COL12A1: variants seen among roughly 807,000 people sequenced by gnomAD.
The protein encoded by COL12A1 is collagen alpha-1(XII) chain.
COL12A1 carries 114 observed loss-of-function variants against 349.7 expected under a neutral mutation model. The observed-to-expected ratio is 0.33, with a 90% CI of 0.28 to 0.38. The LOEUF (loss-of-function observed/expected upper bound fraction) is 0.38. COL12A1 is among the 10% of genes least tolerant of loss of function. COL12A1 has a pLI of 1.00. For missense variants in COL12A1, 3,284 were observed against 3,756.9 expected (o/e 0.87, Z 3.29); for synonymous variants, 1,369 against 1,329.0 (o/e 1.03, Z -0.66).
intron 2 of COL12A1, among the ~76,000 whole-genome samples, chr6:75,201,532 T>C (rs1039727263): frequency 2.6e-5 from 4 of 151,802 alleles, no homozygotes; most frequent in Non-Finnish European, 2.9e-5. Context: ...TCTCACAGCC[T>C]CTAAAAAAGC....
chr6:75,204,301 G>A (rs1770667663), intron 1 of COL12A1, among the ~76,000 whole-genome samples: 1 of 152,028 alleles, frequency 6.6e-6, no homozygotes, highest in Non-Finnish European at 1.5e-5. Flanking sequence ...TCGTGCTCGC[G>A]AGAAGTTAAA....
chr6:75,088,171 A>G (rs982075992), intron 64 of COL12A1, among the ~76,000 whole-genome samples: 1 of 152,264 alleles, frequency 6.6e-6, no homozygotes, highest in Non-Finnish European at 1.5e-5. Flanking sequence ...CAATAGTTAT[A>G]GTTAACATAA....
intron 30 of COL12A1, among the ~76,000 whole-genome samples, chr6:75,137,918 T>TTC (rs138347813): frequency 1.3e-5 from 2 of 151,670 alleles, no homozygotes; most frequent in East Asian, 3.9e-4. Flanking sequence ...AGAGAGTTTA[T>TTC]TCTCTCTCTC....
Position 75,152,356 on chromosome 6 carries a change from A to G in COL12A1, c.3692T>C (p.Ile1231Thr). Residue 1231 changes from isoleucine to threonine, a missense_variant, in exon 18 of 66, where the codon ATT becomes ACT. Physicochemically the swap from Ile to Thr is moderately conservative, Grantham distance 89. Around this residue, in one of 2 missense-constraint regions of COL12A1, gnomAD observed 2,601 missense variants for 2,824.8 expected, o/e 0.92. Coordinates refer to ENST00000322507, the MANE Select transcript of COL12A1 (RefSeq NM_004370.6). ...ACCAATTTGTACTCTTTTGGGGCCA[A>G]TGTCAAAGACTTCCACAATACGAGA... ...FISRIVEVFD[I>T]GPKRVQIALA... is the part of the protein sequence containing the mutation. 6.2e-7 allele frequency: 1 copy of G among 1,613,630 alleles called. No individual in the cohort carries two copies. The highest frequency in any genetic ancestry group is 8.5e-7 in the Non-Finnish European group (1 of 1,179,708).
In COL12A1 at chr6:75,125,370, C is replaced by T. The variant is rs181001054; in HGVS notation, c.6461-97G>A. 33 of 1,170,172 alleles carry T rather than the reference C, an allele frequency of 2.8e-5. No homozygotes were observed. The Admixed American group carries it at 7.7e-4, about 27-fold the overall frequency. 72.5% of individuals were successfully genotyped at this position (1,170,172 alleles called of 1,614,324 possible). A position where few individuals can be genotyped will look rare whatever the true frequency, so the allele number is the denominator to read the frequency against. On this transcript the variant is annotated intron_variant, in intron 39 of 65. Coordinates refer to ENST00000322507, the MANE Select transcript of COL12A1 (RefSeq NM_004370.6). ...TCTTATAGTCAAAGGGTATTATGAACACGATTAATTCCATAGTCCTCATAC... is the reference window on the plus strand; with the variant it reads ...TCTTATAGTCAAAGGGTATTATGAATACGATTAATTCCATAGTCCTCATAC...
intron 13 of COL12A1, among the ~76,000 whole-genome samples, chr6:75,170,001 A>C (rs749482107): frequency 1.3e-5 from 2 of 152,200 alleles, no homozygotes; most frequent in Non-Finnish European, 2.9e-5. Context: ...AGACAGGTCT[A>C]CTTCTCATGA....
chr6:75,091,445 T>C (rs1767761165), intron 61 of COL12A1, 45 bp downstream of exon 61: 1 of 1,612,232 alleles, frequency 6.2e-7, no homozygotes, highest in African/African-American at 1.3e-5. Flanking sequence ...TAGGCTTCAA[T>C]GTTTAACACA....
intron 13 of COL12A1, among the ~76,000 whole-genome samples, chr6:75,169,454 G>A (rs1299156566): frequency 6.6e-6 from 1 of 152,182 alleles, no homozygotes; most frequent in Non-Finnish European, 1.5e-5. Context: ...AGCAACCCTA[G>A]TAGACTTTTT....
rs554333139 is a variant in COL12A1, at chr6:75,163,909, G to A, written c.2983+1598C>T. On this transcript the variant is annotated intron_variant, in intron 14 of 65. Transcript: ENST00000322507. ...GACAAAACGGAGGATAATTTCTGGA[G>A]GAAAAAAATCCCTCTAAATACATAT... Among the ~76,000 whole-genome samples the A allele has an allele frequency of 2.0e-5, 3 of 152,200 alleles. No individual in the cohort carries two copies. In the South Asian group the frequency reaches 6.2e-4, roughly 32 times the overall value.
chr6:75,195,123 T>C (rs1230425442), intron 2 of COL12A1, among the ~76,000 whole-genome samples, 176 bp from the exon 3 acceptor site: 1 of 152,140 alleles, frequency 6.6e-6, no homozygotes, highest in East Asian at 1.9e-4. Context: ...TGACAAAACA[T>C]CAGAGAGTGT....
chr6:75,138,196 T>C, intron 30 of COL12A1, 124 bp downstream of exon 30: 3 of 1,042,492 alleles, frequency 2.9e-6, no homozygotes, highest in Non-Finnish European at 4.2e-6. Context: ...GTAAAAGAGT[T>C]CTCAATGAAC....
Position 75,184,038 on chromosome 6 carries a change from G to A in COL12A1, c.1104C>T (p.Leu368=), listed in dbSNP as rs771012843. ...GTCGGCTTCCTGCAGTCATTGGTGT[G>A]AGGATGACTTTGTAGCCAGTCACTG... is the stretch of plus-strand genomic sequence containing the variant. ...PSPVTGYKVI[L]TPMTAGSRQH... is the part of the protein sequence containing the mutation. The change falls in exon 9 of 66, where the codon CTC becomes CTT. Residue 368 remains leucine, a synonymous_variant. Coordinates refer to ENST00000322507, the MANE Select transcript of COL12A1 (RefSeq NM_004370.6). 1.2e-6 allele frequency: 2 copies of A among 1,614,162 alleles called. No individual in the cohort carries two copies. The highest frequency in any genetic ancestry group is 1.7e-6 in the Non-Finnish European group (2 of 1,180,016).
chr6:75,184,256 T>C, intron 8 of COL12A1, 112 bp from the exon 9 acceptor site: 1 of 1,174,520 alleles, frequency 8.5e-7, no homozygotes, highest in Non-Finnish European at 1.2e-6. Context: ...CTAAATACAT[T>C]GAAAAGAGTT....
chr6:75,193,032 G>A (rs562835264), intron 3 of COL12A1, among the ~76,000 whole-genome samples: 13 of 152,228 alleles, frequency 8.5e-5, no homozygotes, highest in East Asian at 5.8e-4. Context: ...TGGGAATTAC[G>A]TGCCTGATAT....
At chr6:75,139,036 C>T in intron 27 of COL12A1, 75 bp from the exon 28 acceptor site, 1 of 1,543,002 alleles carries the variant, frequency 6.5e-7, no homozygotes, top group East Asian at 2.3e-5. Flanking sequence ...ATAAAAACTG[C>T]CTTGTTTTAT....
intron 2 of COL12A1, among the ~76,000 whole-genome samples, chr6:75,197,062 G>T (rs926274344): frequency 6.6e-6 from 1 of 152,092 alleles, no homozygotes; most frequent in Non-Finnish European, 1.5e-5. Flanking sequence ...TCTTCTGGCC[G>T]ATTTTATTGC....
intron 15 of COL12A1, among the ~76,000 whole-genome samples, 182 bp from the exon 16 acceptor site, chr6:75,156,036 C>T (rs1767743374): frequency 6.6e-6 from 1 of 152,114 alleles, no homozygotes; most frequent in Non-Finnish European, 1.5e-5. Flanking sequence ...AAATAATTCT[C>T]ACAATTCAGA....
intron 2 of COL12A1, among the ~76,000 whole-genome samples, chr6:75,197,039 C>A (rs1247101941): frequency 6.6e-6 from 1 of 152,104 alleles, no homozygotes; most frequent in African/African-American, 2.4e-5. Flanking sequence ...CAACAGAGAG[C>A]CCGCTTCACT....
intron 55 of COL12A1, among the ~76,000 whole-genome samples, chr6:75,103,500 C>T (rs1255444225): frequency 6.6e-6 from 1 of 152,162 alleles, no homozygotes; most frequent in Non-Finnish European, 1.5e-5. Context: ...CATGTTCTGG[C>T]CAAGGCCTTA....
Sources: allele counts gnomAD v4.1 joint callset (sites outside exome capture counted in the v4.1 genomes callset), GRCh38; gene constraint gnomAD v4.1.1; regional missense constraint gnomAD v4.1.1; transcripts MANE v1.5; gene names NCBI Gene and HGNC (gene_info 2026-07-23, HGNC 2026-07-21).